MACROD2: variants seen among roughly 807,000 people sequenced by gnomAD.
MACROD2 encodes mono-ADP ribosylhydrolase 2.
MACROD2 carries 36 observed loss-of-function variants against 70.4 expected under a neutral mutation model. The observed-to-expected ratio is 0.51, with a 90% CI of 0.39 to 0.68. The LOEUF is 0.68. MACROD2 is among the 30% of genes least tolerant of loss of function. MACROD2 has a pLI of 0.00. For missense variants in MACROD2, 496 were observed against 538.4 expected, an observed-to-expected ratio of 0.92 and a Z score of 0.78; for synonymous variants, 172 against 178.8, an observed-to-expected ratio of 0.96 and a Z score of 0.30.
intron 5 of MACROD2, among the ~76,000 whole-genome samples, chr20:15,080,321 G>A (rs112868424): frequency 2.0e-4 from 30 of 152,148 alleles, no homozygotes; most frequent in African/African-American, 7.0e-4. Context: ...CAATGTTAAA[G>A]TCAGCGATGA....
At chr20:14,233,270 A>G (rs981857707) in intron 3 of MACROD2, among the ~76,000 whole-genome samples, 13 of 152,212 alleles carry the variant, frequency 8.5e-5, no homozygotes, top group Non-Finnish European at 1.6e-4. Flanking sequence ...CGCTTGGGAA[A>G]ATGGTACCGA....
intron 5 of MACROD2, among the ~76,000 whole-genome samples, chr20:14,992,039 A>G (rs2074909137): frequency 6.6e-6 from 1 of 152,172 alleles, no homozygotes; most frequent in African/African-American, 2.4e-5. Context: ...TCAGGTGTTA[A>G]CGCATATATG....
At chr20:14,051,805 G>A (rs2053571276) in intron 2 of MACROD2, 2 of 461,910 alleles carry the variant, frequency 4.3e-6, no homozygotes, top group Non-Finnish European at 8.7e-6. Flanking sequence ...ACAGAGGTTT[G>A]TAGTGGTATT....
intron 5 of MACROD2, among the ~76,000 whole-genome samples, chr20:14,701,586 T>C (rs2071197148): frequency 6.6e-6 from 1 of 152,202 alleles, no homozygotes. Flanking sequence ...AACTTATTAG[T>C]TAAATGAATG....
chr20:15,713,131 T>G (rs2050653005), intron 8 of MACROD2, among the ~76,000 whole-genome samples: 1 of 152,206 alleles, frequency 6.6e-6, no homozygotes, highest in African/African-American at 2.4e-5. Flanking sequence ...CAGAAAGCCG[T>G]TCAGGCTGAG....
At chr20:14,059,428 T>C (rs2053667602) in intron 2 of MACROD2, among the ~76,000 whole-genome samples, 1 of 152,132 alleles carries the variant, frequency 6.6e-6, no homozygotes, top group Non-Finnish European at 1.5e-5. Flanking sequence ...TTGTTGATGG[T>C]CAAAAATAGG....
intron 5 of MACROD2, among the ~76,000 whole-genome samples, chr20:15,018,365 T>C (rs544978182): frequency 9.2e-5 from 14 of 152,292 alleles, no homozygotes; most frequent in African/African-American, 2.4e-4. Flanking sequence ...AGCCTGAATT[T>C]TATTATCCAT....
chr20:14,166,288 T>C (rs941517893), intron 3 of MACROD2, among the ~76,000 whole-genome samples: 2 of 152,176 alleles, frequency 1.3e-5, no homozygotes, highest in Admixed American at 1.3e-4. Context: ...CTAGTTTTTA[T>C]GGTGATTCTT....
chr20:14,464,906 G>C (rs1220367799), intron 3 of MACROD2, among the ~76,000 whole-genome samples: 1 of 152,072 alleles, frequency 6.6e-6, no homozygotes, highest in Non-Finnish European at 1.5e-5. Context: ...GAGACAGTTT[G>C]TTATAATTTC....
intron 9 of MACROD2, 59 bp downstream of exon 9, chr20:15,862,885 A>C: frequency 1.6e-6 from 2 of 1,256,148 alleles, no homozygotes; most frequent in African/African-American, 1.5e-5. Context: ...TGGAGCCGTC[A>C]CTTCTATTCC....
rs1242619414 is a variant in MACROD2 at position 14,270,580 on chromosome 20, T to A, written c.271+184852T>A. On this transcript the variant is annotated intron_variant, in intron 3 of 17. Transcript: ENST00000684519. ...CTCCAGCCTGGCAACAGAGTGAGAC[T>A]CCATCTCAAAAAAAAAAAAAAAAGG... Among the ~76,000 whole-genome samples the A allele has an allele frequency of 2.5e-5, 3 of 119,484 alleles. No individual in the cohort carries two copies. In the East Asian group the frequency reaches 7.0e-4, roughly 28 times the overall value. 78.4% of individuals were successfully genotyped at this position (119,484 alleles called of 152,430 possible). A position where few individuals can be genotyped will look rare whatever the true frequency, so the allele number is the denominator to read the frequency against.
At chr20:14,182,004 C>G (rs1297258144) in intron 3 of MACROD2, among the ~76,000 whole-genome samples, 1 of 152,166 alleles carries the variant, frequency 6.6e-6, no homozygotes, top group African/African-American at 2.4e-5. Flanking sequence ...GTTAGATACC[C>G]AGGAGTGGAA....
intron 6 of MACROD2, among the ~76,000 whole-genome samples, chr20:15,392,040 G>A (rs1048091602): frequency 3.3e-5 from 5 of 151,972 alleles, no homozygotes; most frequent in Non-Finnish European, 7.4e-5. Flanking sequence ...TTTTAAGTGG[G>A]GAAAACTATG....
chr20:15,118,981 G>A (rs1426673365), intron 5 of MACROD2, among the ~76,000 whole-genome samples: 1 of 152,176 alleles, frequency 6.6e-6, no homozygotes, highest in Admixed American at 6.5e-5. Context: ...TGGAAACAAT[G>A]TAAAACAGGT....
At chr20:14,549,909 AACC>A (rs1978541437) in intron 4 of MACROD2, among the ~76,000 whole-genome samples, 1 of 151,854 alleles carries the variant, frequency 6.6e-6, no homozygotes, top group Admixed American at 6.6e-5. Flanking sequence ...TTATAACCAT[AACC>A]ATTTTCATAT....
intron 13 of MACROD2, among the ~76,000 whole-genome samples, chr20:15,970,379 A>G (rs2066212084): frequency 6.6e-6 from 1 of 152,224 alleles, no homozygotes; most frequent in African/African-American, 2.4e-5. Context: ...ACATTAAAAT[A>G]TACCACAATA....
chr20:15,204,666 T>C (rs139485562), intron 5 of MACROD2, among the ~76,000 whole-genome samples: 1 of 152,174 alleles, frequency 6.6e-6, no homozygotes, highest in Non-Finnish European at 1.5e-5. Context: ...GCCTTTGTAA[T>C]AATTCCATTA....
At chr20:15,338,193 G>A (rs1354422772) in intron 6 of MACROD2, among the ~76,000 whole-genome samples, 1 of 151,568 alleles carries the variant, frequency 6.6e-6, no homozygotes, top group East Asian at 1.9e-4. Flanking sequence ...CAATTAGACT[G>A]TAATATTACG....
At chr20:14,875,864 G>A (rs889689344) in intron 5 of MACROD2, among the ~76,000 whole-genome samples, 4 of 151,950 alleles carry the variant, frequency 2.6e-5, no homozygotes, top group African/African-American at 4.8e-5. Flanking sequence ...TATTTACCAC[G>A]TTTTGTTTAT....
Sources: gnomAD v4.1 joint callset for allele counts (sites outside exome capture counted in the v4.1 genomes callset) on GRCh38, gnomAD v4.1.1 for gene constraint, MANE v1.5 for transcripts, NCBI Gene and HGNC (gene_info 2026-07-23, HGNC 2026-07-21) for gene names.